The following SHB variants were observed in gnomAD, a reference collection of about 807,000 sequenced individuals.
SHB encodes SH2 domain containing adaptor protein B.
A neutral mutation model predicts 52.3 loss-of-function variants in SHB; 20 were observed. The observed-to-expected ratio is 0.38, with a 90% CI of 0.27 to 0.56. SHB has a LOEUF of 0.56. Among genes scored for constraint, SHB ranks in the 20% least tolerant of loss-of-function variants. The pLI, the probability that SHB is intolerant of heterozygous loss-of-function variation, is 0.71. For synonymous variants in SHB, 397 were observed against 316.5 expected (o/e 1.25, Z -2.70); for missense variants, 825 against 723.3 (o/e 1.14, Z -1.61).
intron 3 of SHB, among the ~76,000 whole-genome samples, chr9:37,962,197 C>A (rs1356081425): frequency 6.6e-6 from 1 of 152,214 alleles, no homozygotes; most frequent in Admixed American, 6.5e-5. Context: ...GAGACCCTGA[C>A]CCATGGTCAC....
chr9:37,998,566 C>T (rs1273283246), intron 2 of SHB, among the ~76,000 whole-genome samples: 2 of 152,236 alleles, frequency 1.3e-5, no homozygotes, highest in African/African-American at 4.8e-5. Flanking sequence ...AATCCTCCTG[C>T]CTCAGCCTCC....
At chr9:38,030,497 G>A (rs1821400110) in intron 1 of SHB, among the ~76,000 whole-genome samples, 1 of 152,148 alleles carries the variant, frequency 6.6e-6, no homozygotes. Flanking sequence ...TTAAGAGGCC[G>A]GGCCCAATGC....
intron 2 of SHB, among the ~76,000 whole-genome samples, chr9:38,011,817 AG>A (rs776948263): frequency 3.9e-5 from 6 of 152,262 alleles, no homozygotes; most frequent in African/African-American, 1.2e-4. Flanking sequence ...TCTATAAAAA[AG>A]AAAGCTTGGA....
At chr9:38,059,483 C>T (rs1482560933) in intron 1 of SHB, among the ~76,000 whole-genome samples, 1 of 152,188 alleles carries the variant, frequency 6.6e-6, no homozygotes, top group Admixed American at 6.5e-5. Flanking sequence ...AAATTCAGTT[C>T]TTCCTGCCTC....
At chr9:37,983,759 C>T (rs1004562651) in intron 2 of SHB, among the ~76,000 whole-genome samples, 4 of 152,208 alleles carry the variant, frequency 2.6e-5, no homozygotes, top group African/African-American at 4.8e-5. Context: ...TTGCAGCCAC[C>T]GGGGATCCGT....
At chr9:38,059,557 A>G (rs1452590476) in intron 1 of SHB, among the ~76,000 whole-genome samples, 1 of 152,232 alleles carries the variant, frequency 6.6e-6, no homozygotes, top group East Asian at 1.9e-4. Flanking sequence ...ATTAATAGAA[A>G]TATTACTGGA....
intron 1 of SHB, among the ~76,000 whole-genome samples, chr9:38,045,329 G>A (rs1165572156): frequency 2.6e-5 from 4 of 152,116 alleles, no homozygotes; most frequent in African/African-American, 4.8e-5. Context: ...GACCAGGTGC[G>A]GTGGCTCACG....
At chr9:38,021,643 G>A (rs1187958834) in intron 1 of SHB, among the ~76,000 whole-genome samples, 1 of 152,102 alleles carries the variant, frequency 6.6e-6, no homozygotes, top group Non-Finnish European at 1.5e-5. Flanking sequence ...ACTCCAGCCT[G>A]GGTGACACAG....
At position 37,985,365 on chromosome 9, in the gene SHB, C is replaced by T. The variant is rs188748522; in HGVS notation, c.839-10528G>A. Among the ~76,000 whole-genome samples, 5 of 152,372 alleles carry T rather than the reference C, an allele frequency of 3.3e-5. No homozygotes were observed. In the East Asian group the frequency reaches 5.8e-4, roughly 18 times the overall value. On this transcript the variant is annotated intron_variant, in intron 2 of 5. Transcript: ENST00000377707. ...GAGACAAAGCCTGCAAACCTGATGA[C>T]GACCAATTGCTTTCATTGTGAGTAA...
At chr9:37,958,986 T>C (rs564727443) in intron 3 of SHB, among the ~76,000 whole-genome samples, 1 of 152,158 alleles carries the variant, frequency 6.6e-6, no homozygotes, top group East Asian at 1.9e-4. Flanking sequence ...TGGGGCCATG[T>C]CATCCTGGAG....
chr9:38,025,697 G>A (rs918334778), intron 1 of SHB, among the ~76,000 whole-genome samples: 1 of 152,166 alleles, frequency 6.6e-6, no homozygotes, highest in African/African-American at 2.4e-5. Flanking sequence ...TGGTGTATTC[G>A]GAACAGGGTG....
At chr9:38,059,670 G>A (rs1035637174) in intron 1 of SHB, among the ~76,000 whole-genome samples, 9 of 152,184 alleles carry the variant, frequency 5.9e-5, no homozygotes, top group Non-Finnish European at 1.2e-4. Flanking sequence ...CAAAACACGG[G>A]AAGAAGCGGA....
chr9:38,042,701 G>C (rs991497967), intron 1 of SHB, among the ~76,000 whole-genome samples: 4 of 152,238 alleles, frequency 2.6e-5, no homozygotes, highest in African/African-American at 9.6e-5. Context: ...CAAGAAAGCA[G>C]CAGCCACAGC....
At chr9:38,030,325 A>C (rs923227708) in intron 1 of SHB, among the ~76,000 whole-genome samples, 1 of 152,128 alleles carries the variant, frequency 6.6e-6, no homozygotes, top group African/African-American at 2.4e-5. Context: ...ACACAGCAAA[A>C]TGAGCCCAGA....
At chr9:38,055,190 CCA>C (rs1218655930) in intron 1 of SHB, among the ~76,000 whole-genome samples, 1 of 152,194 alleles carries the variant, frequency 6.6e-6, no homozygotes, top group Non-Finnish European at 1.5e-5. Context: ...CCTCTTAGAA[CCA>C]CAGTCATGTT....
chr9:38,050,722 C>T (rs1015438220), intron 1 of SHB, among the ~76,000 whole-genome samples: 2 of 152,258 alleles, frequency 1.3e-5, no homozygotes, highest in South Asian at 4.1e-4. Context: ...GAACTAGAAG[C>T]TGCCGAATGT....
At chr9:37,929,031 C>T (rs1442808994) in intron 5 of SHB, among the ~76,000 whole-genome samples, 1 of 152,220 alleles carries the variant, frequency 6.6e-6, no homozygotes, top group Admixed American at 6.5e-5. Flanking sequence ...TTGACCCAGG[C>T]AGGGCTGGAG....
At chr9:38,027,771 T>G (rs1821362762) in intron 1 of SHB, among the ~76,000 whole-genome samples, 1 of 151,904 alleles carries the variant, frequency 6.6e-6, no homozygotes, top group Non-Finnish European at 1.5e-5. Context: ...GCTGTTCCCA[T>G]TCCTATGTTC....
intron 4 of SHB, among the ~76,000 whole-genome samples, chr9:37,955,451 G>A (rs1832617719): frequency 6.6e-6 from 1 of 152,118 alleles, no homozygotes; most frequent in African/African-American, 2.4e-5. Flanking sequence ...GAAGGCCCCT[G>A]GAGTTCTAGC....
Sources: allele counts gnomAD v4.1 joint callset (sites outside exome capture counted in the v4.1 genomes callset), GRCh38; gene constraint gnomAD v4.1.1; transcripts MANE v1.5; gene names NCBI Gene and HGNC (gene_info 2026-07-23, HGNC 2026-07-21).